The following CPNE5 variants were observed in gnomAD, a reference collection of about 807,000 sequenced individuals.
CPNE5 encodes copine 5, also known as copine-5.
A neutral mutation model predicts 81.1 loss-of-function variants in CPNE5; 42 were observed. The ratio of observed to expected loss-of-function variants is 0.52; its 90% confidence interval spans 0.40 to 0.67. The LOEUF (loss-of-function observed/expected upper bound fraction) is 0.67. CPNE5 is among the 30% of genes least tolerant of loss of function. CPNE5 has a pLI of 0.00. For synonymous variants in CPNE5, 313 were observed against 321.5 expected (o/e 0.97, Z 0.28); for missense variants, 612 against 815.5 (o/e 0.75, Z 3.04).
intron 5 of CPNE5, 44 bp from the exon 6 acceptor site, chr6:36,798,285 C>T: frequency 6.3e-7 from 1 of 1,582,002 alleles, no homozygotes; most frequent in African/African-American, 1.3e-5. Context: ...ACCCACTCTG[C>T]TCACAGCTAT....
At chr6:36,753,218 C>CAAA in intron 13 of CPNE5, 123 bp from the exon 14 acceptor site, 4 of 705,136 alleles carry the variant, frequency 5.7e-6, no homozygotes, top group Non-Finnish European at 1.0e-5. Flanking sequence ...TGACTGCATG[C>CAAA]ACTGCCCACA....
intron 1 of CPNE5, among the ~76,000 whole-genome samples, chr6:36,835,028 G>A (rs1292681913): frequency 1.3e-5 from 2 of 152,130 alleles, no homozygotes; most frequent in Admixed American, 6.5e-5. Flanking sequence ...ATATCTCTGG[G>A]GCAGAACAAC....
intron 13 of CPNE5, among the ~76,000 whole-genome samples, chr6:36,753,891 A>G (rs1180352086): frequency 6.6e-6 from 1 of 152,260 alleles, no homozygotes; most frequent in South Asian, 2.1e-4. Context: ...CACCTGTGTA[A>G]GAGAACGAAC....
chr6:36,756,099 C>A, intron 13 of CPNE5, 146 bp downstream of exon 13: 12 of 516,012 alleles, frequency 2.3e-5, no homozygotes, highest in South Asian at 6.5e-5. Flanking sequence ...ATCTGCCCCA[C>A]CCCTCCCCAC....
Position 36,756,339 on chromosome 6 carries a change from GC to G in CPNE5, c.856-42del, listed in dbSNP as rs777415033. 6.9e-5 allele frequency: 109 copies of G among 1,584,050 alleles called. 1 individual carries two copies. The South Asian group carries it at 1.2e-3, about 17-fold the overall frequency. ...GTTACCAGGTAAGGCATGCTTCCAG[GC>G]AGTCAGGGTGAGTCTTGAGGGCTTC... On this transcript the variant is annotated intron_variant, in intron 12 of 20. Transcript: ENST00000244751.
chr6:36,783,404 C>G (rs1768230055), intron 8 of CPNE5, among the ~76,000 whole-genome samples: 3 of 141,754 alleles, frequency 2.1e-5, no homozygotes, highest in Admixed American at 2.1e-4. Flanking sequence ...AAAAAAGGTT[C>G]TACCTAGTAC....
intron 11 of CPNE5, among the ~76,000 whole-genome samples, chr6:36,764,330 G>A (rs535574611): frequency 1.5e-3 from 224 of 152,154 alleles, no homozygotes; most frequent in Non-Finnish European, 2.4e-3. Flanking sequence ...AGGGCATAGC[G>A]GCTCTGGAGC....
intron 1 of CPNE5, chr6:36,838,768 T>G (rs1773758282): frequency 2.0e-6 from 2 of 984,288 alleles, no homozygotes; most frequent in Non-Finnish European, 2.4e-6. Context: ...AAGGAAGGCT[T>G]TAAAATCCTA....
intron 1 of CPNE5, among the ~76,000 whole-genome samples, chr6:36,826,670 T>C (rs535861522): frequency 3.9e-5 from 6 of 152,208 alleles, no homozygotes; most frequent in African/African-American, 1.4e-4. Context: ...TGAGTCAGAG[T>C]AGTGGCCTGG....
intron 6 of CPNE5, 121 bp downstream of exon 6, chr6:36,798,044 C>G (rs1769751487): frequency 1.4e-6 from 1 of 725,600 alleles, no homozygotes; most frequent in Non-Finnish European, 2.4e-6. Flanking sequence ...TCTCTTTATT[C>G]CTAATAACCC....
intron 14 of CPNE5, among the ~76,000 whole-genome samples, chr6:36,749,007 G>C (rs1764501715): frequency 6.6e-6 from 1 of 152,154 alleles, no homozygotes; most frequent in Admixed American, 6.5e-5. Context: ...CGTGATCACA[G>C]CTCACTTCAG....
rs1238800649 is a variant in CPNE5 at position 36,741,949 on chromosome 6, G to A, written c.*319C>T. 3.1e-6 allele frequency: 1 copy of A among 320,688 alleles called. No individual in the cohort carries two copies. Among genetic ancestry groups the A allele is most frequent in the Non-Finnish European group, 5.7e-6 (1 of 175,318 alleles). The allele number at this position is 320,688 out of a possible 1,614,324, so 19.9% of individuals were successfully genotyped here. On this transcript the variant is annotated 3_prime_UTR_variant, in exon 21 of 21. Transcript: ENST00000244751. ...ACAGGTAAGCAAATAGGATTGCCGG[G>A]GGTGGGCGACAGGGACCCCAATCAC...
At chr6:36,756,554 C>A (rs1765489645) in intron 12 of CPNE5, among the ~76,000 whole-genome samples, 1 of 152,210 alleles carries the variant, frequency 6.6e-6, no homozygotes, top group South Asian at 2.1e-4. Flanking sequence ...AACCTTCTCT[C>A]CCACTGTTCC....
chr6:36,771,263 TG>T (rs1767014514), intron 10 of CPNE5, among the ~76,000 whole-genome samples: 1 of 152,200 alleles, frequency 6.6e-6, no homozygotes, highest in Non-Finnish European at 1.5e-5. Context: ...TGTCATGCCA[TG>T]TCTTGGCTAT....
At position 36,790,903 on chromosome 6, in the gene CPNE5, G is replaced by A. The variant is rs993664300; in HGVS notation, c.528+1130C>T. Among the ~76,000 whole-genome samples, 8 of 152,214 alleles carry A rather than the reference G, an allele frequency of 5.3e-5. No homozygotes were observed. The East Asian group carries it at 1.3e-3, about 26-fold the overall frequency. ...GGGTTCAACTATTGTTATTTTTAAA[G>A]GAATTAAATTATTTTTAAAGGAATT... On this transcript the variant is annotated intron_variant, in intron 8 of 20. Transcript: ENST00000244751.
At chr6:36,772,272 CT>C (rs769705048) in intron 10 of CPNE5, among the ~76,000 whole-genome samples, 1 of 152,132 alleles carries the variant, frequency 6.6e-6, no homozygotes, top group Non-Finnish European at 1.5e-5. Flanking sequence ...TCCCGTGCCC[CT>C]GTCCCCAGGA....
chr6:36,805,635 G>A, intron 3 of CPNE5, among the ~76,000 whole-genome samples: 1 of 152,080 alleles, frequency 6.6e-6, no homozygotes, highest in East Asian at 1.9e-4. Context: ...AGGTGACAGG[G>A]GACCTCCCTG....
intron 8 of CPNE5, among the ~76,000 whole-genome samples, chr6:36,781,137 T>C (rs924782472): frequency 2.0e-5 from 3 of 151,996 alleles, no homozygotes; most frequent in Non-Finnish European, 4.4e-5. Context: ...TAAGCACGGG[T>C]GGTGCTGGAG....
At chr6:36,765,466 G>A in intron 10 of CPNE5, 90 bp from the exon 11 acceptor site, 1 of 1,503,818 alleles carries the variant, frequency 6.6e-7, no homozygotes. Context: ...GGACCAGATA[G>A]GGAGGCCAGG....
Sources: allele counts gnomAD v4.1 joint callset (sites outside exome capture counted in the v4.1 genomes callset), GRCh38; gene constraint gnomAD v4.1.1; transcripts MANE v1.5; gene names NCBI Gene and HGNC (gene_info 2026-07-23, HGNC 2026-07-21).